The following MFSD6 variants were observed in gnomAD, a reference collection of about 807,000 sequenced individuals.
MFSD6 encodes the protein major facilitator superfamily domain containing 6.
MFSD6 carries 26 observed loss-of-function variants against 56.3 expected under a neutral mutation model. That is an observed-to-expected ratio of 0.46 (90% CI 0.34 to 0.64). The LOEUF (loss-of-function observed/expected upper bound fraction) is 0.64. MFSD6 is among the 30% of genes least tolerant of loss of function. MFSD6 has a pLI of 0.01. For synonymous variants in MFSD6, 331 were observed against 366.9 expected, an observed-to-expected ratio of 0.90 and a Z score of 1.12; for missense variants, 750 against 986.2, an observed-to-expected ratio of 0.76 and a Z score of 3.21.
At chr2:190,430,585 A>G (rs1416436796) in intron 2 of MFSD6, among the ~76,000 whole-genome samples, 1 of 152,050 alleles carries the variant, frequency 6.6e-6, no homozygotes, top group Non-Finnish European at 1.5e-5. Context: ...AACAAAATGA[A>G]AAGTCTCCCA....
rs1016178392 is a variant in MFSD6 at position 190,412,540 on chromosome 2, A to T, written c.-175-2752A>T. 1.0e-6 allele frequency: 1 copy of T among 985,312 alleles called. No homozygotes were observed. The highest frequency in any genetic ancestry group is 1.2e-6 in the Non-Finnish European group (1 of 829,932). The allele number at this position is 985,312 out of a possible 1,614,324, so 61.0% of individuals were successfully genotyped here. On this transcript the variant is annotated intron_variant, in intron 1 of 7. Transcript: ENST00000392328. This position sits in a 1 kb window ranked among gnomAD's most constrained non-coding sequence, Gnocchi z 4.1. ...CAACTAACATGGCATTTCCTTGGGC[A>T]TAGCATTTTTGATTCCTGGGAAAAG...
Position 190,424,012 on chromosome 2 carries a change from T to G in MFSD6, c.-54+8599T>G, listed in dbSNP as rs1021473864. On this transcript the variant is annotated intron_variant, in intron 2 of 7. Coordinates refer to ENST00000392328, the MANE Select transcript of MFSD6 (RefSeq NM_017694.4). This position sits in a 1 kb window ranked among gnomAD's most constrained non-coding sequence, Gnocchi z 5.9. ...TGGATTGTTTGTTGAGTTTGGAGAA[T>G]TCTTTACATATTCTAGAAACTAATC... Among the ~76,000 whole-genome samples, 2 of 152,230 alleles carry G rather than the reference T, an allele frequency of 1.3e-5. No homozygotes were observed. Among genetic ancestry groups the G allele is most frequent in the African/African-American group, 4.8e-5 (2 of 41,456 alleles).
chr2:190,436,984 A>G lies in MFSD6; in HGVS notation c.955A>G (p.Lys319Glu), dbSNP rs760912157. Residue 319 changes from lysine (K) to glutamate (E), a missense_variant, in exon 3 of 8, where the codon AAA becomes GAA. By Grantham distance (56) the Lys-to-Glu change is moderately conservative (BLOSUM62 1). This residue lies in a region of MFSD6 where 376 missense variants were observed against 437.9 expected (regional missense o/e 0.86). Coordinates refer to ENST00000392328, the MANE Select transcript of MFSD6 (RefSeq NM_017694.4). The surrounding 1 kb of genome is among the most constrained non-coding windows in gnomAD (Gnocchi z 5.3). ...CACGGTCACACTCCAGTATCTGGGA[A>G]AACACAGAGATCGCTATGGGTTGCA... ...VDTVTLQYLG[K>E]HRDRYGLQRM... 1 of 1,614,210 alleles carries G rather than the reference A, an allele frequency of 6.2e-7. No individual in the cohort carries two copies. The highest frequency in any genetic ancestry group is 8.5e-7 in the Non-Finnish European group (1 of 1,180,042).
intron 4 of MFSD6, among the ~76,000 whole-genome samples, chr2:190,472,336 T>G (rs1223596005): frequency 6.6e-6 from 1 of 151,958 alleles, no homozygotes; most frequent in African/African-American, 2.4e-5. Context: ...TTAAAAACCT[T>G]GAAAAAAGAT....
At chr2:190,479,333 A>G (rs563189222) in intron 4 of MFSD6, among the ~76,000 whole-genome samples, 2 of 152,358 alleles carry the variant, frequency 1.3e-5, no homozygotes, top group South Asian at 4.1e-4. Flanking sequence ...GTAATACCAT[A>G]TAAAGAAGCA....
At chr2:190,422,412 TG>T (rs1251717139) in intron 2 of MFSD6, among the ~76,000 whole-genome samples, 1 of 152,322 alleles carries the variant, frequency 6.6e-6, no homozygotes, top group East Asian at 1.9e-4. Flanking sequence ...GTCTTTCGCT[TG>T]ATTTATCCTT....
chr2:190,462,725 G>A lies in MFSD6; in HGVS notation c.1533-7033G>A, dbSNP rs2125121462. Among the ~76,000 whole-genome samples, 1 of 152,146 alleles carries A rather than the reference G, an allele frequency of 6.6e-6. No individual in the cohort carries two copies. Among genetic ancestry groups the A allele is most frequent in the South Asian group, 2.1e-4 (1 of 4,814 alleles). The stretch of plus-strand genomic sequence containing the variant: ...GAAGGGATGATTCCTTTCAACAGTG[G>A]GACTCTCAAAATCAGAGGTACCAGT... On this transcript the variant is annotated intron_variant, in intron 3 of 7. Coordinates refer to ENST00000392328, the MANE Select transcript of MFSD6 (RefSeq NM_017694.4). This position sits in a 1 kb window ranked among gnomAD's most constrained non-coding sequence, Gnocchi z 5.7.
chr2:190,430,590 C>A (rs1685937317), intron 2 of MFSD6, among the ~76,000 whole-genome samples: 1 of 152,076 alleles, frequency 6.6e-6, no homozygotes, highest in African/African-American at 2.4e-5. Context: ...AATGAAAAGT[C>A]TCCCATGTCT....
In MFSD6 at chr2:190,497,852, A is replaced by G; in HGVS notation, c.2172+133A>G. On this transcript the variant is annotated intron_variant, in intron 7 of 7. Transcript: ENST00000392328. This position sits in a 1 kb window ranked among gnomAD's most constrained non-coding sequence, Gnocchi z 5.2. Reference sequence around the variant, plus strand: ...GGTGGGGGAAATAGACATGCAAACAATTTCAGTACTCTGTGAGCACTGAGT... The same window carrying G: ...GGTGGGGGAAATAGACATGCAAACAGTTTCAGTACTCTGTGAGCACTGAGT... 9.6e-7 allele frequency: 1 copy of G among 1,042,078 alleles called. No homozygotes were observed. The highest frequency in any genetic ancestry group is 2.5e-5 in the East Asian group (1 of 39,450). 64.6% of individuals were successfully genotyped at this position (1,042,078 alleles called of 1,614,324 possible). A position where few individuals can be genotyped will look rare whatever the true frequency, so the allele number is the denominator to read the frequency against.
intron 3 of MFSD6, among the ~76,000 whole-genome samples, chr2:190,460,667 G>A (rs532685981): frequency 6.6e-6 from 1 of 152,320 alleles, no homozygotes; most frequent in Admixed American, 6.5e-5. Flanking sequence ...AGTGTTGTGA[G>A]GAGAGGCACG....
Position 190,459,523 on chromosome 2 carries a change from T to C in MFSD6, c.1533-10235T>C, listed in dbSNP as rs1687212458. Among the ~76,000 whole-genome samples, 1 of 152,194 alleles carries C rather than the reference T, an allele frequency of 6.6e-6. No individual in the cohort carries two copies. The highest frequency in any genetic ancestry group is 1.5e-5 in the Non-Finnish European group (1 of 68,022). On this transcript the variant is annotated intron_variant, in intron 3 of 7. Transcript: ENST00000392328. The surrounding 1 kb of genome is among the most constrained non-coding windows in gnomAD (Gnocchi z 5.3). ...AGTCATTTGACTAAACAGAAAAATATAACAACAAAACAGCATATTGTGTCT... is the reference window on the plus strand; with the variant it reads ...AGTCATTTGACTAAACAGAAAAATACAACAACAAAACAGCATATTGTGTCT...
At chr2:190,408,042 C>A (rs1334242132), upstream of MFSD6, among the ~76,000 whole-genome samples, 1 of 152,140 alleles carries the variant, frequency 6.6e-6, no homozygotes, top group Non-Finnish European at 1.5e-5. Flanking sequence ...GCTCCCCGGG[C>A]CCGGCTGGGT....
chr2:190,470,867 T>C (rs1450978029), intron 4 of MFSD6, among the ~76,000 whole-genome samples: 1 of 152,038 alleles, frequency 6.6e-6, no homozygotes, highest in African/African-American at 2.4e-5. Flanking sequence ...TGAAAGGAGA[T>C]ATAATTTATA....
intron 4 of MFSD6, chr2:190,477,145 G>A (rs190749285): frequency 2.1e-6 from 1 of 472,238 alleles, no homozygotes; most frequent in Non-Finnish European, 2.8e-6. Flanking sequence ...TATGGCACAT[G>A]TATACATATG....
In MFSD6 at chr2:190,458,831, T is replaced by A. The variant is rs974606271; in HGVS notation, c.1533-10927T>A. ...GGTCTCAGATGACGCGATCAGAACCTGCATCTCTCCCTCTATTAGCTCTGT... is the reference window on the plus strand; with the variant it reads ...GGTCTCAGATGACGCGATCAGAACCAGCATCTCTCCCTCTATTAGCTCTGT... On this transcript the variant is annotated intron_variant, in intron 3 of 7. Coordinates refer to ENST00000392328, the MANE Select transcript of MFSD6 (RefSeq NM_017694.4). The surrounding 1 kb of genome is among the most constrained non-coding windows in gnomAD (Gnocchi z 5.3). Among the ~76,000 whole-genome samples, 1 of 152,204 alleles carries A rather than the reference T, an allele frequency of 6.6e-6. No homozygotes were observed. Among genetic ancestry groups the A allele is most frequent in the Non-Finnish European group, 1.5e-5 (1 of 68,038 alleles).
In MFSD6 at chr2:190,436,706, TGCAGCCCCA is replaced by T. The variant is rs766986086; in HGVS notation, c.679_687del (p.Gln227_Gln229del). ...CCAAACATGAACAGTGAACCCACTC[TGCAGCCCCA>T]GACAGGTGAAATTACTAACCGTATG... On this transcript the variant is annotated inframe_deletion, in exon 3 of 8. Transcript: ENST00000392328. This position sits in a 1 kb window ranked among gnomAD's most constrained non-coding sequence, Gnocchi z 5.3. 6.2e-7 allele frequency: 1 copy of T among 1,614,252 alleles called. No individual in the cohort carries two copies. Among genetic ancestry groups the T allele is most frequent in the Non-Finnish European group, 8.5e-7 (1 of 1,180,040 alleles).
intron 2 of MFSD6, among the ~76,000 whole-genome samples, chr2:190,432,276 C>G (rs1379517728): frequency 6.6e-6 from 1 of 152,220 alleles, no homozygotes; most frequent in Non-Finnish European, 1.5e-5. Flanking sequence ...CTCTGGGAAC[C>G]TCCTGAAGAA....
chr2:190,434,197 A>G lies in MFSD6; in HGVS notation c.-53-1780A>G, dbSNP rs551066876. On this transcript the variant is annotated intron_variant, in intron 2 of 7. Transcript: ENST00000392328. The surrounding 1 kb of genome is among the most constrained non-coding windows in gnomAD (Gnocchi z 4.3). ...CCCTGTCTCTCAAAAAAAAAAAAAG[A>G]AAAAAAAGAAAAGAAGGTGAAAGGA... 5.8e-3 allele frequency among the ~76,000 whole-genome samples: 860 copies of G among 147,234 alleles called. 7 individuals carry two copies. The highest frequency in any genetic ancestry group is 0.015 in the East Asian group (75 of 5,012).
Position 190,454,804 on chromosome 2 carries a change from C to T in MFSD6, c.1533-14954C>T, listed in dbSNP as rs530281554. On this transcript the variant is annotated intron_variant, in intron 3 of 7. Transcript: ENST00000392328. This position sits in a 1 kb window ranked among gnomAD's most constrained non-coding sequence, Gnocchi z 4.6. ...GGCAGGTATAGAGGGATGGGATCCCCAAAGATTCTAAGAGTCAGAAGACAC... is the reference window on the plus strand; with the variant it reads ...GGCAGGTATAGAGGGATGGGATCCCTAAAGATTCTAAGAGTCAGAAGACAC... 6.6e-6 allele frequency among the ~76,000 whole-genome samples: 1 copy of T among 152,112 alleles called. No homozygotes were observed. The highest frequency in any genetic ancestry group is 2.4e-5 in the African/African-American group (1 of 41,478).
Sources: gnomAD v4.1 joint callset for allele counts (sites outside exome capture counted in the v4.1 genomes callset) on GRCh38, gnomAD v4.1.1 for gene constraint, gnomAD v4.1.1 regional missense constraint, Gnocchi (gnomAD v3.1) non-coding constraint, MANE v1.5 for transcripts, NCBI Gene and HGNC (gene_info 2026-07-23, HGNC 2026-07-21) for gene names.